ADGRL2: variants seen among roughly 807,000 people sequenced by gnomAD.
The protein encoded by ADGRL2 is calcium-independent alpha-latrotoxin receptor 2.
In ADGRL2, 44 loss-of-function variants were observed where a neutral mutation model predicts 157.4. The ratio of observed to expected loss-of-function variants is 0.28; its 90% CI spans 0.22 to 0.36. The LOEUF is 0.36. Ranked by LOEUF, ADGRL2 falls within the 10% of genes least tolerant of loss-of-function variation. ADGRL2 has a pLI of 1.00. For missense variants in ADGRL2, 1,510 were observed against 1,768.9 expected, an observed-to-expected ratio of 0.85 and a Z score of 2.63; for synonymous variants, 585 against 624.7, an observed-to-expected ratio of 0.94 and a Z score of 0.95.
At chr1:81,562,621 G>T (rs2080469573) in intron 2 of ADGRL2, among the ~76,000 whole-genome samples, 1 of 151,882 alleles carries the variant, frequency 6.6e-6, no homozygotes, top group African/African-American at 2.4e-5. Flanking sequence ...CTTCCCAGTA[G>T]ATTTTTCTAT....
rs55832240 is a variant in ADGRL2 at position 81,659,052 on chromosome 1, A to ATTTTT, written c.-143+78095_-143+78099dup. ...CAGGCGTGAGCCACCACACCCAGCAATTTTTTTTTTTTTTTTTTTTTTTTT... is the reference window on the plus strand; with the variant it reads ...CAGGCGTGAGCCACCACACCCAGCAATTTTTTTTTTTTTTTTTTTTTTTTTTTTTT... On this transcript the variant is annotated intron_variant, in intron 3 of 24. Transcript: ENST00000370721. 1.3e-3 allele frequency among the ~76,000 whole-genome samples: 77 copies of ATTTTT among 60,560 alleles called. 4 individuals are homozygous for ATTTTT. Among genetic ancestry groups the ATTTTT allele is most frequent in the African/African-American group, 5.5e-3 (70 of 12,732 alleles). The allele number at this position is 60,560 out of a possible 152,430, so 39.7% of individuals were successfully genotyped here.
chr1:81,847,760 G>T (rs2092847284), intron 2 of ADGRL2, among the ~76,000 whole-genome samples: 1 of 151,772 alleles, frequency 6.6e-6, no homozygotes, highest in African/African-American at 2.4e-5. Flanking sequence ...CAGAAACAGT[G>T]TTTTTAACAG....
chr1:81,617,205 A>G lies in ADGRL2; in HGVS notation c.-143+36225A>G, dbSNP rs150428102. 5.7e-3 allele frequency among the ~76,000 whole-genome samples: 866 copies of G among 152,364 alleles called. 9 individuals carry two copies. The highest frequency in any genetic ancestry group is 0.019 in the African/African-American group (795 of 41,592). On this transcript the variant is annotated intron_variant, in intron 3 of 24. Transcript: ENST00000370721. ...CCACCTCCTGTCAGATCAGTGGAAC[A>G]TTAGATTCTCATAGGCGCACGAACC...
At chr1:81,403,290 A>G (rs1031950515) in intron 1 of ADGRL2, among the ~76,000 whole-genome samples, 3 of 151,370 alleles carry the variant, frequency 2.0e-5, no homozygotes, top group Admixed American at 6.6e-5. Flanking sequence ...TTTGAGACAG[A>G]GTCTCCCTCT....
At chr1:81,784,955 A>G (rs749260483) in intron 2 of ADGRL2, among the ~76,000 whole-genome samples, 37 of 152,226 alleles carry the variant, frequency 2.4e-4, no homozygotes, top group Non-Finnish European at 4.0e-4. Flanking sequence ...AGAGAAGACA[A>G]AATTTTTGTA....
intron 2 of ADGRL2, among the ~76,000 whole-genome samples, chr1:81,764,306 T>C (rs116311139): frequency 0.011 from 1,707 of 152,070 alleles, 23 homozygotes; most frequent in Non-Finnish European, 0.018. Flanking sequence ...TAAATGGCAC[T>C]ATTAGAATAT....
chr1:81,807,659 A>G (rs1275780535), intron 1 of ADGRL2, among the ~76,000 whole-genome samples: 3 of 151,990 alleles, frequency 2.0e-5, no homozygotes, highest in African/African-American at 4.8e-5. Context: ...TAAAGGAGTA[A>G]CAAGGGTCTG....
At chr1:81,335,795 C>T (rs779544827) in intron 1 of ADGRL2, among the ~76,000 whole-genome samples, 2 of 151,450 alleles carry the variant, frequency 1.3e-5, no homozygotes, top group Non-Finnish European at 2.9e-5. Flanking sequence ...TACTGATAGC[C>T]AGACTCCTGT....
rs1296908487 is a variant in ADGRL2 at position 81,993,213 on chromosome 1, A to G, written c.*2068A>G. On this transcript the variant is annotated 3_prime_UTR_variant, in exon 24 of 24. Coordinates refer to ENST00000686636, the MANE Select transcript of ADGRL2 (RefSeq NM_001366006.2). Reference sequence around the variant, plus strand: ...GCCTCCCAGGTTCTCAAACAGATTTAACAATCCTCTGAGAATGGTACTCAT... The same window carrying G: ...GCCTCCCAGGTTCTCAAACAGATTTGACAATCCTCTGAGAATGGTACTCAT... Among the ~76,000 whole-genome samples the G allele has an allele frequency of 6.8e-6, 1 of 146,486 alleles. No homozygotes were observed. Among genetic ancestry groups the G allele is most frequent in the African/African-American group, 2.5e-5 (1 of 39,392 alleles).
At position 81,943,672 on chromosome 1, in the gene ADGRL2, A is replaced by G; in HGVS notation, c.1113A>G (p.Ala371=). 2 of 1,613,286 alleles carry G rather than the reference A, an allele frequency of 1.2e-6. No homozygotes were observed. Among genetic ancestry groups the G allele is most frequent in the Non-Finnish European group, 1.7e-6 (2 of 1,179,316 alleles). ...PFPNQYQYIA[A]VDYNPRDNQL... The stretch of plus-strand genomic sequence containing the variant: ...CCAACCAGTATCAGTATATTGCTGC[A>G]GTGGATTACAATCCAAGAGATAACC... The change falls in exon 6 of 24, where the codon GCA becomes GCG. Residue 371 remains alanine (A), a synonymous_variant. Transcript: ENST00000686636. The surrounding 1 kb of genome is among the most constrained non-coding windows in gnomAD (Gnocchi z 5.6).
At chr1:81,863,408 T>C (rs953478548) in intron 2 of ADGRL2, among the ~76,000 whole-genome samples, 1 of 152,204 alleles carries the variant, frequency 6.6e-6, no homozygotes, top group African/African-American at 2.4e-5. Flanking sequence ...GGCTTTATGA[T>C]GGTCCCAGAA....
At chr1:81,882,712 C>G (rs2094019543) in intron 2 of ADGRL2, among the ~76,000 whole-genome samples, 3 of 152,160 alleles carry the variant, frequency 2.0e-5, no homozygotes, top group Admixed American at 2.0e-4. Context: ...ATCTAGAATT[C>G]AACAGAATTG....
intron 5 of ADGRL2, among the ~76,000 whole-genome samples, 183 bp downstream of exon 5, chr1:81,942,228 G>A (rs1648284025): frequency 6.6e-6 from 1 of 151,678 alleles, no homozygotes; most frequent in Admixed American, 6.6e-5. Flanking sequence ...CTGGTGATGG[G>A]GTAAAAATTC....
At chr1:81,460,884 T>C (rs942434251) in intron 2 of ADGRL2, among the ~76,000 whole-genome samples, 1 of 152,226 alleles carries the variant, frequency 6.6e-6, no homozygotes, top group Non-Finnish European at 1.5e-5. Flanking sequence ...TTCAGGATCA[T>C]CTATCTTGCA....
rs376340672 is a variant in ADGRL2 at position 81,818,996 on chromosome 1, G to C, written c.-100-17889G>C. Among the ~76,000 whole-genome samples the C allele has an allele frequency of 6.6e-4, 101 of 152,228 alleles. 2 individuals carry two copies. In the South Asian group the frequency reaches 0.021, roughly 31 times the overall value. Reference sequence around the variant, plus strand: ...GTACAGAAAGTAGGAGATGAAACGGGTGTGTTAGTTTGGGACATGATTATG... The same window carrying C: ...GTACAGAAAGTAGGAGATGAAACGGCTGTGTTAGTTTGGGACATGATTATG... On this transcript the variant is annotated intron_variant, in intron 1 of 23. Transcript: ENST00000686636.
At chr1:81,482,338 T>A (rs1291841477) in intron 2 of ADGRL2, among the ~76,000 whole-genome samples, 2 of 152,230 alleles carry the variant, frequency 1.3e-5, no homozygotes, top group Admixed American at 6.5e-5. Flanking sequence ...ATTCATTGTG[T>A]CCTTAAAAAT....
intron 1 of ADGRL2, among the ~76,000 whole-genome samples, chr1:81,356,780 C>T (rs1436925341): frequency 1.8e-4 from 27 of 151,596 alleles, no homozygotes; most frequent in South Asian, 4.2e-4. Flanking sequence ...GGTGAAACCC[C>T]GTCTCTACTA....
chr1:81,672,190 G>A (rs141468094), intron 3 of ADGRL2, among the ~76,000 whole-genome samples: 114 of 152,234 alleles, frequency 7.5e-4, no homozygotes, highest in African/African-American at 2.7e-3. Context: ...CTAAAACTCT[G>A]CAGATTTCTA....
At chr1:81,939,319 C>T (rs936349014) in intron 4 of ADGRL2, among the ~76,000 whole-genome samples, 1 of 151,406 alleles carries the variant, frequency 6.6e-6, no homozygotes, top group Non-Finnish European at 1.5e-5. Context: ...TTAGGAATTG[C>T]ATATATTTAT....
Sources: allele counts gnomAD v4.1 joint callset (sites outside exome capture counted in the v4.1 genomes callset), GRCh38; gene constraint gnomAD v4.1.1; non-coding constraint Gnocchi (gnomAD v3.1); transcripts MANE v1.5; gene names NCBI Gene and HGNC (gene_info 2026-07-23, HGNC 2026-07-21).